The following ALG1 variants were observed in gnomAD, a reference collection of about 807,000 sequenced individuals.
ALG1 encodes chitobiosyldiphosphodolichol beta-mannosyltransferase.
Under a neutral mutation model 55.1 loss-of-function variants are expected in ALG1, and 58 were observed. That is an observed-to-expected ratio of 1.05 (90% CI 0.85 to 1.31). The LOEUF (loss-of-function observed/expected upper bound fraction) is 1.31, where lower values mean the gene tolerates loss of function less well. ALG1 is among the 50% of genes most tolerant of loss of function. ALG1 has a pLI of 0.00. For missense variants in ALG1, 761 were observed against 598.6 expected, an observed-to-expected ratio of 1.27 and a Z score of -2.83; for synonymous variants, 309 against 247.0, an observed-to-expected ratio of 1.25 and a Z score of -2.35.
intron 6 of ALG1, chr16:5,078,513 G>C (rs1956955977): frequency 4.0e-6 from 3 of 747,128 alleles, no homozygotes; most frequent in Non-Finnish European, 7.0e-6. Context: ...GGGATGATAA[G>C]ACAGTAAGTC....
chr16:5,086,257 C>T lies in ALG1; in HGVS notation c.*1376C>T, dbSNP rs1166445274. 3.3e-5 allele frequency among the ~76,000 whole-genome samples: 5 copies of T among 150,266 alleles called. No individual in the cohort carries two copies. The highest frequency in any genetic ancestry group is 9.7e-5 in the African/African-American group (4 of 41,028). On this transcript the variant is annotated 3_prime_UTR_variant, in exon 13 of 13. Transcript: ENST00000262374. Reference sequence around the variant, plus strand: ...GGCTGAGGTGGGAGAATTGCTTGAACCCAGGAGGTGGAGGTTGCAGTGAGC... The same window carrying T: ...GGCTGAGGTGGGAGAATTGCTTGAATCCAGGAGGTGGAGGTTGCAGTGAGC...
In ALG1 at chr16:5,087,238, A is replaced by G. The variant is rs1345968226; in HGVS notation, c.*2357A>G. On this transcript the variant is annotated 3_prime_UTR_variant, in exon 13 of 13. Coordinates refer to ENST00000262374, the MANE Select transcript of ALG1 (RefSeq NM_019109.5). The stretch of plus-strand genomic sequence containing the variant: ...CTAAAAGAAAAAAAATCACAAAAAA[A>G]CCTCGTACTGTTTGAAGAAAGTTTA... The G allele has an allele frequency of 6.6e-6, 1 of 152,178 alleles. No homozygotes were observed. Among genetic ancestry groups the G allele is most frequent in the South Asian group, 2.1e-4 (1 of 4,834 alleles). 9.4% of individuals were successfully genotyped at this position (152,178 alleles called of 1,614,324 possible).
chr16:5,072,395 C>A, intron 1 of ALG1: 2 of 610,484 alleles, frequency 3.3e-6, no homozygotes, highest in Non-Finnish European at 5.2e-6. Context: ...TCTGAGCTGA[C>A]AGGATATTTC....
In ALG1 at chr16:5,073,038, C is replaced by T. The variant is rs371480769; in HGVS notation, c.286+10C>T. ...CTTCAGAGTCTTGCAGGTAGGATGC[C>T]GTCAACTCCAGAATCCTCTGAATCC... On this transcript the variant is annotated intron_variant, in intron 2 of 12. Transcript: ENST00000262374. 33 of 1,613,688 alleles carry T rather than the reference C, an allele frequency of 2.0e-5. No individual in the cohort carries two copies. Among genetic ancestry groups the T allele is most frequent in the African/African-American group, 4.0e-5 (3 of 74,892 alleles).
At chr16:5,080,865 T>A (rs1567170557) in intron 9 of ALG1, 81 bp from the exon 10 acceptor site, 1 of 1,547,070 alleles carries the variant, frequency 6.5e-7, no homozygotes, top group East Asian at 2.2e-5. Flanking sequence ...GGATCCCTCC[T>A]AGGGGGGAGT....
Position 5,083,605 on chromosome 16 carries a change from G to T in ALG1, c.1188-77G>T, listed in dbSNP as rs8056523. ...GCCTGGCTTGAGCATGGGGTGTGTG[G>T]GGGAGCCCAGGTGGGCACCCCAGGG... is the stretch of plus-strand genomic sequence containing the variant. On this transcript the variant is annotated intron_variant, in intron 11 of 12. Coordinates refer to ENST00000262374, the MANE Select transcript of ALG1 (RefSeq NM_019109.5). 0.56 allele frequency: 901,040 copies of T among 1,594,960 alleles called. 257,020 individuals carry two copies. Among genetic ancestry groups the T allele is most frequent in the South Asian group, 0.68 (61,705 of 90,868 alleles).
intron 6 of ALG1, 85 bp downstream of exon 6, chr16:5,078,102 C>A (rs1195215748): frequency 1.4e-6 from 2 of 1,477,448 alleles, no homozygotes; most frequent in Non-Finnish European, 1.9e-6. Flanking sequence ...TGGGAACCCA[C>A]TCATCCAGGG....
At chr16:5,077,674 G>A (rs1956938167) in intron 5 of ALG1, 140 bp downstream of exon 5, 6 of 1,057,488 alleles carry the variant, frequency 5.7e-6, no homozygotes, top group Non-Finnish European at 8.5e-6. Flanking sequence ...CTTTGGTTTG[G>A]GGAAGCTGGG....
chr16:5,079,283 C>G (rs7191631), intron 8 of ALG1, among the ~76,000 whole-genome samples, 181 bp downstream of exon 8: 346 of 152,326 alleles, frequency 2.3e-3, no homozygotes, highest in African/African-American at 8.0e-3. Flanking sequence ...TGACCAGGCC[C>G]TCAGGCTGAA....
chr16:5,075,913 G>C (rs1328217776), intron 4 of ALG1, among the ~76,000 whole-genome samples: 1 of 152,200 alleles, frequency 6.6e-6, no homozygotes, highest in Non-Finnish European at 1.5e-5. Flanking sequence ...TAGGTTACCT[G>C]CCTTCCTCTG....
chr16:5,073,077 AG>A, intron 2 of ALG1, 49 bp downstream of exon 2: 20 of 1,611,170 alleles, frequency 1.2e-5, no homozygotes, highest in Non-Finnish European at 1.7e-5. Context: ...GGCTGGGGGC[AG>A]GGGGTGTTCG....
chr16:5,073,360 G>A, intron 3 of ALG1, 104 bp downstream of exon 3: 1 of 1,043,274 alleles, frequency 9.6e-7, no homozygotes, highest in Non-Finnish European at 1.5e-6. Flanking sequence ...TGTGTTGTGT[G>A]TATGGGCGTT....
chr16:5,083,877 C>CT, intron 12 of ALG1, 120 bp downstream of exon 12: 4 of 1,463,144 alleles, frequency 2.7e-6, no homozygotes, highest in Middle Eastern at 2.4e-4. Flanking sequence ...GGCGGAAAAG[C>CT]TAGGGAGGGA....
chr16:5,083,943 G>A (rs1311924974), intron 12 of ALG1, among the ~76,000 whole-genome samples, 186 bp downstream of exon 12: 1 of 152,024 alleles, frequency 6.6e-6, no homozygotes, highest in Non-Finnish European at 1.5e-5. Flanking sequence ...CAGTAGGCTC[G>A]GGAAAGTTAA....
intron 11 of ALG1, among the ~76,000 whole-genome samples, chr16:5,083,171 G>A (rs1442272455): frequency 6.6e-6 from 1 of 152,160 alleles, no homozygotes; most frequent in Non-Finnish European, 1.5e-5. Context: ...GAAGGGCAGT[G>A]TTAGAGGAGA....
intron 4 of ALG1, 79 bp downstream of exon 4, chr16:5,075,615 TC>T: frequency 6.3e-7 from 1 of 1,579,266 alleles, no homozygotes. Context: ...ATAGTGGGCC[TC>T]CGGAAGTCGG....
intron 7 of ALG1, 79 bp from the exon 8 acceptor site, chr16:5,078,985 C>CA: frequency 6.9e-6 from 11 of 1,596,092 alleles, no homozygotes; most frequent in Non-Finnish European, 8.5e-6. Flanking sequence ...GCCACGGTCT[C>CA]AATGAGAACG....
chr16:5,079,054 C>T lies in ALG1; in HGVS notation c.863-10C>T, dbSNP rs937668606. The T allele has an allele frequency of 2.5e-6, 4 of 1,602,122 alleles. No homozygotes were observed. Among genetic ancestry groups the T allele is most frequent in the South Asian group, 2.2e-5 (2 of 90,900 alleles). On this transcript the variant is annotated splice_polypyrimidine_tract_variant and intron_variant, in intron 7 of 12. Coordinates refer to ENST00000262374, the MANE Select transcript of ALG1 (RefSeq NM_019109.5). ...AAACAGGCCCCTGACATTCAATTCT[C>T]TTCTCATAGAGGACGAAGACTTCTC... is the stretch of plus-strand genomic sequence containing the variant.
Position 5,085,386 on chromosome 16 carries a change from G to C in ALG1, c.*505G>C. Reference sequence around the variant, plus strand: ...TTGCACAAAGAAAATGCTATTTTTGGAGCCAGAATTTTCATGTCTGATTTA... The same window carrying C: ...TTGCACAAAGAAAATGCTATTTTTGCAGCCAGAATTTTCATGTCTGATTTA... On this transcript the variant is annotated 3_prime_UTR_variant, in exon 13 of 13. Coordinates refer to ENST00000262374, the MANE Select transcript of ALG1 (RefSeq NM_019109.5). 1.8e-6 allele frequency: 1 copy of C among 547,806 alleles called. No individual in the cohort carries two copies. Among genetic ancestry groups the C allele is most frequent in the Non-Finnish European group, 3.4e-6 (1 of 296,950 alleles). The allele number at this position is 547,806 out of a possible 1,614,324, so 33.9% of individuals were successfully genotyped here. A position where few individuals can be genotyped will look rare whatever the true frequency, so the allele number is the denominator to read the frequency against.
Sources: allele counts gnomAD v4.1 joint callset (sites outside exome capture counted in the v4.1 genomes callset), GRCh38; gene constraint gnomAD v4.1.1; transcripts MANE v1.5; gene names NCBI Gene and HGNC (gene_info 2026-07-23, HGNC 2026-07-21).